TSPAN10: variants seen among roughly 807,000 people sequenced by gnomAD.
The protein encoded by TSPAN10 is tetraspanin 10, also known as tetraspanin-10.
A neutral mutation model predicts 15.0 loss-of-function variants in TSPAN10; 11 were observed. The observed-to-expected ratio is 0.73, with a 90% CI of 0.46 to 1.21. The LOEUF (loss-of-function observed/expected upper bound fraction) is 1.21. Among genes scored for constraint, TSPAN10 ranks in the 50% most tolerant of loss-of-function variants. The pLI is 0.00. For missense variants in TSPAN10, 486 were observed against 470.6 expected (o/e 1.03, Z -0.30); for synonymous variants, 241 against 226.2 (o/e 1.07, Z -0.59).
rs2036230401 is a variant in TSPAN10 at position 81,645,256 on chromosome 17, G to A, written c.301G>A (p.Gly101Ser). Residue 101 changes from glycine (G) to serine (S), a missense_variant, in exon 2 of 3, where the codon GGC (glycine) becomes AGC (serine). By Grantham distance (56) the Gly-to-Ser change is moderately conservative. Transcript: ENST00000611590. Reference sequence around the variant, plus strand: ...GCTGGCCCTGGCCATCGGGCTCTGGGGCCTGGCTGTCAAGGGGTCTCTGGG... The same window carrying A: ...GCTGGCCCTGGCCATCGGGCTCTGGAGCCTGGCTGTCAAGGGGTCTCTGGG... 1.3e-5 allele frequency: 20 copies of A among 1,533,804 alleles called. No homozygotes were observed. Among genetic ancestry groups the A allele is most frequent in the Non-Finnish European group, 1.7e-5 (19 of 1,146,924 alleles).
chr17:81,644,625 G>A (rs142628898), intron 1 of TSPAN10, among the ~76,000 whole-genome samples: 14 of 152,348 alleles, frequency 9.2e-5, no homozygotes, highest in East Asian at 5.8e-4. Flanking sequence ...AAGCCAGGGC[G>A]ACCCTGACCC....
At chr17:81,637,397 C>G (rs2036116326) in exon 1 of TSPAN10, 1 of 700,574 alleles carries the variant, frequency 1.4e-6, no homozygotes, top group African/African-American at 1.8e-5. Flanking sequence ...AAACTTCTCT[C>G]CATGCACAGG....
At chr17:81,647,608 T>C in intron 2 of TSPAN10, 1 of 652,774 alleles carries the variant, frequency 1.5e-6, no homozygotes, top group Non-Finnish European at 2.8e-6. Context: ...TATCAATGCT[T>C]GTCTGTTCCC....
upstream of TSPAN10, among the ~76,000 whole-genome samples, chr17:81,639,488 G>A (rs1298520028): frequency 1.3e-5 from 2 of 151,832 alleles, no homozygotes; most frequent in East Asian, 3.9e-4. Flanking sequence ...TTATAGGCAT[G>A]AGCCACCATG....
exon 2 of TSPAN10, chr17:81,645,296 G>A: frequency 6.5e-7 from 1 of 1,538,648 alleles, no homozygotes; most frequent in African/African-American, 1.4e-5. Context: ...GATCTGGGGG[G>A]GCCCCTGCCC....
At chr17:81,648,239 G>T (rs1416277788) in exon 3 of TSPAN10, 96 of 1,236,810 alleles carry the variant, frequency 7.8e-5, no homozygotes, top group Non-Finnish European at 9.1e-5. Flanking sequence ...GACCGCGCTG[G>T]CCCCCAGAGC....
exon 2 of TSPAN10, chr17:81,645,097 T>C: frequency 1.3e-6 from 2 of 1,591,084 alleles, no homozygotes; most frequent in Non-Finnish European, 1.7e-6. Flanking sequence ...CTGCAGCTGC[T>C]GTCCCCCGGA....
intron 1 of TSPAN10, among the ~76,000 whole-genome samples, chr17:81,644,127 G>A (rs2036210575): frequency 1.3e-5 from 2 of 151,930 alleles, no homozygotes; most frequent in Non-Finnish European, 2.9e-5. Context: ...GGGATGACAG[G>A]CGTGAGCCAC....
At chr17:81,637,929 A>G (rs2036128277), upstream of TSPAN10, 1 of 114,504 alleles carries the variant, frequency 8.7e-6, no homozygotes, top group African/African-American at 3.8e-5. Context: ...GTGAGACTTC[A>G]TCTCAAAAAA....
chr17:81,640,738 G>A (rs1007217539), upstream of TSPAN10, among the ~76,000 whole-genome samples: 2 of 152,040 alleles, frequency 1.3e-5, no homozygotes, highest in East Asian at 1.9e-4. Flanking sequence ...GTGAGCTACC[G>A]CGCCCAGCCC....
At chr17:81,642,193 G>C (rs1250585251), upstream of TSPAN10, 1 of 522,724 alleles carries the variant, frequency 1.9e-6, no homozygotes, top group Admixed American at 3.3e-5. Context: ...TCCACAAGCA[G>C]AGGCCTCCTT....
chr17:81,640,842 A>G (rs2036171513), upstream of TSPAN10, among the ~76,000 whole-genome samples: 1 of 152,200 alleles, frequency 6.6e-6, no homozygotes, highest in African/African-American at 2.4e-5. Flanking sequence ...CAATTCAGCC[A>G]TAACAGTGGT....
intron 1 of TSPAN10, among the ~76,000 whole-genome samples, 197 bp from the exon 3 acceptor site, chr17:81,644,795 C>T (rs2036220568): frequency 6.6e-6 from 1 of 152,264 alleles, no homozygotes; most frequent in Non-Finnish European, 1.5e-5. Context: ...GCCCCTTCTG[C>T]TGCTCAGCCG....
exon 2 of TSPAN10, chr17:81,645,256 G>T: frequency 6.5e-7 from 1 of 1,533,804 alleles, no homozygotes. Context: ...CGGGCTCTGG[G>T]GCCTGGCTGT....
chr17:81,648,349 G>T, downstream of TSPAN10: 1 of 1,194,426 alleles, frequency 8.4e-7, no homozygotes, highest in Non-Finnish European at 1.0e-6. Context: ...GGGCGCCTCC[G>T]CCCGGCTAAA....
chr17:81,648,111 C>T (rs368482096), exon 3 of TSPAN10: 2 of 1,566,626 alleles, frequency 1.3e-6, no homozygotes, highest in Non-Finnish European at 1.7e-6. Flanking sequence ...CTGCCTCGGG[C>T]GGCTACGCAA....
upstream of TSPAN10, among the ~76,000 whole-genome samples, chr17:81,640,602 C>T (rs1329501895): frequency 4.6e-5 from 7 of 152,042 alleles, no homozygotes; most frequent in African/African-American, 9.7e-5. Context: ...GCATGCGCCA[C>T]GATGCCCAGC....
In TSPAN10 at chr17:81,645,525, C is replaced by T. The variant is rs758924810; in HGVS notation, c.570C>T (p.Ile190=). ...TGGAGCACACCCTGCGTGTGGCCAT[C>T]GCCCACTACCAGGACGACCCAGACC... The change falls in exon 2 of 3, where the codon ATC becomes ATT. Residue 190 remains isoleucine (I), a synonymous_variant. Coordinates refer to ENST00000611590, the Ensembl canonical transcript of TSPAN10. 5.6e-6 allele frequency: 9 copies of T among 1,594,014 alleles called. No individual in the cohort carries two copies. The East Asian group carries it at 6.9e-5, about 12-fold the overall frequency.
rs1484126468 is a variant in TSPAN10 at position 81,647,195 on chromosome 17, T to TG, written c.675-704dup. On this transcript the variant is annotated intron_variant, in intron 2 of 2. Coordinates refer to ENST00000611590, the Ensembl canonical transcript of TSPAN10. ...GGTTTTTGGCCACGTGTGACTGGGT[T>TG]GGTGGCAGTCCCCCTAGAGTGTCGT... 2.6e-5 allele frequency among the ~76,000 whole-genome samples: 4 copies of TG among 152,198 alleles called. No individual in the cohort carries two copies. The East Asian group carries it at 7.7e-4, about 29-fold the overall frequency.
Sources: allele counts gnomAD v4.1 joint callset (sites outside exome capture counted in the v4.1 genomes callset), GRCh38; gene constraint gnomAD v4.1.1; transcripts MANE v1.5; gene names NCBI Gene and HGNC (gene_info 2026-07-23, HGNC 2026-07-21).